The following SERAC1 variants were observed in gnomAD, a reference collection of about 807,000 sequenced individuals.
SERAC1 encodes the protein serine active site containing 1.
A neutral mutation model predicts 85.7 loss-of-function variants in SERAC1; 36 were observed. That is an observed-to-expected ratio of 0.42 (90% CI 0.32 to 0.55). The LOEUF (loss-of-function observed/expected upper bound fraction) is 0.55, where lower values mean the gene tolerates loss of function less well. Ranked by LOEUF, SERAC1 falls within the 20% of genes least tolerant of loss-of-function variation. The probability of loss-of-function intolerance (pLI) is 0.11; values close to 1 mark genes in which losing one functional copy is unlikely to be tolerated. For synonymous variants in SERAC1, 242 were observed against 265.3 expected (o/e 0.91, Z 0.85); for missense variants, 629 against 796.2 (o/e 0.79, Z 2.53).
intron 5 of SERAC1, 26 bp from the exon 6 acceptor site, chr6:158,146,939 A>G (rs766063468): frequency 1.2e-6 from 2 of 1,607,776 alleles, no homozygotes; most frequent in South Asian, 2.2e-5. Flanking sequence ...AAGCCAAGAC[A>G]ATGTGAAAAG....
In SERAC1 at chr6:158,117,439, G is replaced by C; in HGVS notation, c.1403+288C>G. 1 of 1,374,108 alleles carries C rather than the reference G, an allele frequency of 7.3e-7. No individual in the cohort carries two copies. The highest frequency in any genetic ancestry group is 1.3e-5 in the South Asian group (1 of 74,238). The allele number at this position is 1,374,108 out of a possible 1,614,324, so 85.1% of individuals were successfully genotyped here. A position where few individuals can be genotyped will look rare whatever the true frequency, so the allele number is the denominator to read the frequency against. The stretch of plus-strand genomic sequence containing the variant: ...ACAAAAAAACATCACTTTTACTTCT[G>C]ATAGAAAAGGAGACTGCTAGACAAT... On this transcript the variant is annotated intron_variant, in intron 13 of 16. Transcript: ENST00000647468. This position sits in a 1 kb window ranked among gnomAD's most constrained non-coding sequence, Gnocchi z 4.3.
intron 6 of SERAC1, 78 bp from the exon 7 acceptor site, chr6:158,144,498 TG>T: frequency 1.4e-6 from 2 of 1,380,928 alleles, no homozygotes; most frequent in African/African-American, 2.9e-5. Flanking sequence ...ACAAACAACT[TG>T]AAAGCACTCT....
chr6:158,117,953 G>A lies in SERAC1; in HGVS notation c.1309-132C>T. 1.5e-6 allele frequency: 1 copy of A among 689,230 alleles called. No homozygotes were observed. Among genetic ancestry groups the A allele is most frequent in the Non-Finnish European group, 2.4e-6 (1 of 414,910 alleles). 42.7% of individuals were successfully genotyped at this position (689,230 alleles called of 1,614,324 possible). A position where few individuals can be genotyped will look rare whatever the true frequency, so the allele number is the denominator to read the frequency against. ...GATAGCACTGGAATAAGGTTTGAAGGTACCGTAAAAACAATTCCAGCACTA... is the reference window on the plus strand; with the variant it reads ...GATAGCACTGGAATAAGGTTTGAAGATACCGTAAAAACAATTCCAGCACTA... On this transcript the variant is annotated intron_variant, in intron 12 of 16. Transcript: ENST00000647468. This position sits in a 1 kb window ranked among gnomAD's most constrained non-coding sequence, Gnocchi z 4.3.
Position 158,117,621 on chromosome 6 carries a change from T to C in SERAC1, c.1403+106A>G. ...ATTAGGTTTGTTCTTCATAAGAAAATCCTGTCTGTGGCATCAAAAAATTAA... is the reference window on the plus strand; with the variant it reads ...ATTAGGTTTGTTCTTCATAAGAAAACCCTGTCTGTGGCATCAAAAAATTAA... On this transcript the variant is annotated intron_variant, in intron 13 of 16. Coordinates refer to ENST00000647468, the MANE Select transcript of SERAC1 (RefSeq NM_032861.4). The surrounding 1 kb of genome is among the most constrained non-coding windows in gnomAD (Gnocchi z 4.3). 6.3e-7 allele frequency: 1 copy of C among 1,579,948 alleles called. No individual in the cohort carries two copies. Among genetic ancestry groups the C allele is most frequent in the Non-Finnish European group, 8.6e-7 (1 of 1,160,634 alleles).
chr6:158,154,799 A>G (rs965027748), intron 3 of SERAC1, among the ~76,000 whole-genome samples: 3 of 152,182 alleles, frequency 2.0e-5, no homozygotes, highest in African/African-American at 7.2e-5. Flanking sequence ...CACCCACTTT[A>G]GAACCTAATA....
At position 158,144,408 on chromosome 6, in the gene SERAC1, C is replaced by T; in HGVS notation, c.500G>A (p.Arg167Lys). The change falls in exon 7 of 17, where the codon AGG becomes AAG. Residue 167 changes from arginine to lysine, a missense_variant. Transcript: ENST00000647468. ...CGGATCACAGGCTTGAGCAATTATCCTATACTGGTAATCTATTGAAAAAGC... is the reference window on the plus strand; with the variant it reads ...CGGATCACAGGCTTGAGCAATTATCTTATACTGGTAATCTATTGAAAAAGC... ...ETHHWHDYQY[R>K]IIAQACDPKT... 6.3e-7 allele frequency: 1 copy of T among 1,593,888 alleles called. No individual in the cohort carries two copies. Among genetic ancestry groups the T allele is most frequent in the African/African-American group, 1.3e-5 (1 of 74,546 alleles).
chr6:158,150,852 C>T (rs1177706567), intron 3 of SERAC1, among the ~76,000 whole-genome samples: 3 of 152,150 alleles, frequency 2.0e-5, no homozygotes, highest in African/African-American at 4.8e-5. Context: ...GAGTAGCCAT[C>T]GTAACACATT....
rs374076900 is a variant in SERAC1, at chr6:158,146,820, T to A, written c.449A>T (p.Glu150Val). ...SKSDDKTTRL[E>V]AVREMSETHH... is the part of the protein sequence containing the mutation. ...GGTCTCCGACATTTCCCGCACAGCC[T>A]CGAGTCGCGTGGTTTTGTCATCTGA... Residue 150 changes from glutamate (E) to valine (V), a missense_variant, in exon 6 of 17, where the codon GAG (glutamate) becomes GTG (valine). Glu to Val is a moderately radical substitution (Grantham distance 121, BLOSUM62 -2). Transcript: ENST00000647468. 6.2e-7 allele frequency: 1 copy of A among 1,613,826 alleles called. No individual in the cohort carries two copies. The highest frequency in any genetic ancestry group is 8.5e-7 in the Non-Finnish European group (1 of 1,179,922).
intron 1 of SERAC1, chr6:158,161,013 A>C (rs1026465947): frequency 6.6e-6 from 1 of 152,128 alleles, no homozygotes; most frequent in Non-Finnish European, 1.5e-5. Context: ...TCCTTCATGA[A>C]GGCATATATG....
chr6:158,153,552 A>G (rs2128423343), intron 3 of SERAC1, among the ~76,000 whole-genome samples: 1 of 152,268 alleles, frequency 6.6e-6, no homozygotes, highest in East Asian at 1.9e-4. Context: ...CAAAAAGATT[A>G]GCCAATGTGT....
intron 5 of SERAC1, among the ~76,000 whole-genome samples, chr6:158,147,732 T>TGCACTCCA (rs930969942): frequency 5.7e-5 from 7 of 122,522 alleles, no homozygotes; most frequent in African/African-American, 2.3e-4. Flanking sequence ...ATCGCGCCAC[T>TGCACTCCA]GCACTCCAGC....
intron 8 of SERAC1, 29 bp from the exon 9 acceptor site, chr6:158,130,515 T>TG: frequency 7.6e-7 from 1 of 1,321,408 alleles, no homozygotes; most frequent in South Asian, 1.4e-5. Flanking sequence ...AAATTTTTAC[T>TG]GAAAAAAAGT....
At chr6:158,136,611 C>T (rs1562446046) in intron 8 of SERAC1, among the ~76,000 whole-genome samples, 1 of 152,206 alleles carries the variant, frequency 6.6e-6, no homozygotes, top group Non-Finnish European at 1.5e-5. Flanking sequence ...CCTCCTGCCT[C>T]AGCCTCCTCA....
chr6:158,125,605 T>C (rs1382062546), intron 10 of SERAC1, among the ~76,000 whole-genome samples: 1 of 152,122 alleles, frequency 6.6e-6, no homozygotes, highest in African/African-American at 2.4e-5. Context: ...GGCCCAAACA[T>C]ATACTCCCAG....
intron 10 of SERAC1, among the ~76,000 whole-genome samples, chr6:158,122,327 C>T (rs1784441862): frequency 6.6e-6 from 1 of 152,174 alleles, no homozygotes; most frequent in Non-Finnish European, 1.5e-5. Flanking sequence ...TACATGTTAA[C>T]TGTAAAAAAT....
intron 8 of SERAC1, among the ~76,000 whole-genome samples, chr6:158,131,357 T>C (rs935204850): frequency 6.8e-6 from 1 of 147,374 alleles, no homozygotes; most frequent in Non-Finnish European, 1.5e-5. Flanking sequence ...TATACTAATA[T>C]ACTATATATT....
chr6:158,151,705 G>A (rs966807266), intron 3 of SERAC1, among the ~76,000 whole-genome samples: 17 of 152,156 alleles, frequency 1.1e-4, no homozygotes, highest in African/African-American at 3.4e-4. Flanking sequence ...GATTACAGGC[G>A]TGAGCTGCCG....
intron 1 of SERAC1, among the ~76,000 whole-genome samples, chr6:158,165,275 C>T (rs1785571405): frequency 6.6e-6 from 1 of 152,110 alleles, no homozygotes; most frequent in Admixed American, 6.6e-5. Flanking sequence ...CCTGCCTCAG[C>T]CTCCCAAGTA....
At position 158,128,958 on chromosome 6, in the gene SERAC1, C is replaced by T. The variant is rs567130673; in HGVS notation, c.853-688G>A. On this transcript the variant is annotated intron_variant, in intron 9 of 16. Coordinates refer to ENST00000647468, the MANE Select transcript of SERAC1 (RefSeq NM_032861.4). ...TCACTGGGCACAGCTTTGCCTCTTC[C>T]CATCACTAGTTTTACTCAAGGACAT... Among the ~76,000 whole-genome samples the T allele has an allele frequency of 9.7e-4, 147 of 152,226 alleles. 1 individual carries two copies. The highest frequency in any genetic ancestry group is 3.3e-3 in the African/African-American group (137 of 41,524).
Sources: allele counts gnomAD v4.1 joint callset (sites outside exome capture counted in the v4.1 genomes callset), GRCh38; gene constraint gnomAD v4.1.1; non-coding constraint Gnocchi (gnomAD v3.1); transcripts MANE v1.5; gene names NCBI Gene and HGNC (gene_info 2026-07-23, HGNC 2026-07-21).